The following TMSB10 variants were observed in gnomAD, a reference collection of about 807,000 sequenced individuals.
TMSB10 encodes thymosin beta 10, also known as thymosin beta-10.
In TMSB10, 4 loss-of-function variants were observed where a neutral mutation model predicts 4.5. That is an observed-to-expected ratio of 0.89 (90% CI 0.44 to 2.03). The LOEUF (loss-of-function observed/expected upper bound fraction) is 2.03. Ranked by LOEUF, TMSB10 falls within the 30% of genes most tolerant of loss-of-function variation. The pLI, the probability that TMSB10 is intolerant of heterozygous loss-of-function variation, is 0.03. For missense variants in TMSB10, 44 were observed against 53.9 expected (o/e 0.82, Z 0.57); for synonymous variants, 17 against 20.3 (o/e 0.84, Z 0.44).
At position 84,906,378 on chromosome 2, in the gene TMSB10, G is replaced by A; in HGVS notation, c.101-11G>A. 1 of 1,597,260 alleles carries A rather than the reference G, an allele frequency of 6.3e-7. No homozygotes were observed. ...AGCTCCCCTCCAGCGCCCGCTTCCC[G>A]CTCTCCACAGCCATTGAGCAGGAGA... is the stretch of plus-strand genomic sequence containing the variant. On this transcript the variant is annotated splice_polypyrimidine_tract_variant and intron_variant, in intron 2 of 2. Transcript: ENST00000233143.
intron 1 of TMSB10, 60 bp downstream of exon 1, chr2:84,905,778 G>T: frequency 2.6e-6 from 1 of 386,138 alleles, no homozygotes; most frequent in Non-Finnish European, 4.7e-6. Flanking sequence ...GGTGCACCGG[G>T]CGGGCGCGCC....
rs1683685427 is a variant in TMSB10, at chr2:84,905,964, C to A, written c.-15-39C>A. ...CGGGGAGCGCGGAAGGGGACGCTGG[C>A]CCCCAGGCCCAGGTCAAGCGCCTTG... On this transcript the variant is annotated intron_variant, in intron 1 of 2. Coordinates refer to ENST00000233143, the MANE Select transcript of TMSB10 (RefSeq NM_021103.4). 4 of 1,542,492 alleles carry A rather than the reference C, an allele frequency of 2.6e-6. No homozygotes were observed. In the Admixed American group the frequency reaches 5.2e-5, roughly 20 times the overall value.
chr2:84,906,167 C>G (rs764294846), intron 2 of TMSB10, 50 bp downstream of exon 2: 5 of 1,576,544 alleles, frequency 3.2e-6, no homozygotes, highest in Non-Finnish European at 4.3e-6. Flanking sequence ...TCACCCTGCT[C>G]TTCCTTGCAA....
chr2:84,905,990 GT>G lies in TMSB10; in HGVS notation c.-15-10del. 1 of 1,610,926 alleles carries G rather than the reference GT, an allele frequency of 6.2e-7. No homozygotes were observed. The highest frequency in any genetic ancestry group is 1.3e-5 in the African/African-American group (1 of 74,918). ...CCCCAGGCCCAGGTCAAGCGCCTTG[GT>G]TTGCCCACTAGGATTGTTTTAAGAA... On this transcript the variant is annotated splice_polypyrimidine_tract_variant and intron_variant, in intron 1 of 2. Transcript: ENST00000233143.
intron 2 of TMSB10, 124 bp from the exon 3 acceptor site, chr2:84,906,265 C>T: frequency 6.9e-7 from 1 of 1,443,914 alleles, no homozygotes; most frequent in Non-Finnish European, 9.3e-7. Context: ...CCTTGTTTCT[C>T]CCCAGCCCCA....
chr2:84,905,758 G>A lies in TMSB10; in HGVS notation c.-16+40G>A, dbSNP rs1683681122. The A allele has an allele frequency of 1.1e-5, 4 of 359,578 alleles. No homozygotes were observed. The Admixed American group carries it at 1.6e-4, about 14-fold the overall frequency. The allele number at this position is 359,578 out of a possible 1,614,324, so 22.3% of individuals were successfully genotyped here. ...GGGGCGGGGGGCCCACCCAGGGTGT[G>A]GTCGGATCCGGTGCACCGGGCGGGC... On this transcript the variant is annotated intron_variant, in intron 1 of 2. Transcript: ENST00000233143.
Position 84,906,588 on chromosome 2 carries a change from G to T in TMSB10, c.*165G>T. 1 of 612,704 alleles carries T rather than the reference G, an allele frequency of 1.6e-6. No homozygotes were observed. Among genetic ancestry groups the T allele is most frequent in the Non-Finnish European group, 2.5e-6 (1 of 395,452 alleles). The allele number at this position is 612,704 out of a possible 1,614,324, so 38.0% of individuals were successfully genotyped here. A position where few individuals can be genotyped will look rare whatever the true frequency, so the allele number is the denominator to read the frequency against. Reference sequence around the variant, plus strand: ...TCTCTGAAGGGACCCCCCCCCAATCGGACTGCCAAATTCTCCGGTTTGCCC... The same window carrying T: ...TCTCTGAAGGGACCCCCCCCCAATCTGACTGCCAAATTCTCCGGTTTGCCC... On this transcript the variant is annotated 3_prime_UTR_variant, in exon 3 of 3. Coordinates refer to ENST00000233143, the MANE Select transcript of TMSB10 (RefSeq NM_021103.4).
At chr2:84,906,169 TC>T in intron 2 of TMSB10, 52 bp downstream of exon 2, 1 of 1,572,720 alleles carries the variant, frequency 6.4e-7, no homozygotes, top group Non-Finnish European at 8.7e-7. Context: ...ACCCTGCTCT[TC>T]CTTGCAAACC....
chr2:84,906,529 T>A lies in TMSB10; in HGVS notation c.*106T>A. On this transcript the variant is annotated 3_prime_UTR_variant, in exon 3 of 3. Transcript: ENST00000233143. Reference sequence around the variant, plus strand: ...CGAGCCACAAGCTGCACTGTGAACCTGGGCACTCCGCGCCGATGCCACCGG... The same window carrying A: ...CGAGCCACAAGCTGCACTGTGAACCAGGGCACTCCGCGCCGATGCCACCGG... The A allele has an allele frequency of 7.4e-7, 1 of 1,351,732 alleles. No individual in the cohort carries two copies. Among genetic ancestry groups the A allele is most frequent in the Non-Finnish European group, 9.9e-7 (1 of 1,008,038 alleles). The allele number at this position is 1,351,732 out of a possible 1,614,324, so 83.7% of individuals were successfully genotyped here.
At chr2:84,905,813 G>C (rs1025214642) in intron 1 of TMSB10, 95 bp downstream of exon 1, 2 of 438,122 alleles carry the variant, frequency 4.6e-6, no homozygotes, top group Non-Finnish European at 8.2e-6. Flanking sequence ...CGCCCTTCTC[G>C]GACCGGACGC....
In TMSB10 at chr2:84,906,375, C is replaced by G. The variant is rs959903978; in HGVS notation, c.101-14C>G. ...TGCAGCTCCCCTCCAGCGCCCGCTT[C>G]CCGCTCTCCACAGCCATTGAGCAGG... On this transcript the variant is annotated splice_polypyrimidine_tract_variant and intron_variant, in intron 2 of 2. Transcript: ENST00000233143. 1 of 1,596,086 alleles carries G rather than the reference C, an allele frequency of 6.3e-7. No individual in the cohort carries two copies. Among genetic ancestry groups the G allele is most frequent in the Admixed American group, 1.7e-5 (1 of 58,608 alleles).
rs148820734 is a variant in TMSB10 at position 84,906,116 on chromosome 2, G to A, written c.99G>A (p.Glu33=). ...AGAAGAACACCCTGCCGACCAAAGAGAGTGAGTGTGCCTCGGTCTCCCGCG... is the reference window on the plus strand; with the variant it reads ...AGAAGAACACCCTGCCGACCAAAGAAAGTGAGTGTGCCTCGGTCTCCCGCG... The part of the protein sequence containing the change: ...TQEKNTLPTK[E]TIEQEKRSEI... The change falls in exon 2 of 3, where the codon GAG becomes GAA. Residue 33 remains glutamate, a splice_region_variant and synonymous_variant. Transcript: ENST00000233143. 4.5e-5 allele frequency: 72 copies of A among 1,613,932 alleles called. No individual in the cohort carries two copies. The African/African-American group carries it at 8.8e-4, about 20-fold the overall frequency.
At chr2:84,905,936 C>T (rs987683028) in intron 1 of TMSB10, 67 bp from the exon 2 acceptor site, 9 of 1,383,450 alleles carry the variant, frequency 6.5e-6, no homozygotes, top group Non-Finnish European at 9.1e-6. Flanking sequence ...CGAGAGGCGT[C>T]GGCGGGGAGC....
rs1375284175 is a variant in TMSB10, at chr2:84,906,507, G to A, written c.*84G>A. On this transcript the variant is annotated 3_prime_UTR_variant, in exon 3 of 3. Transcript: ENST00000233143. ...AGAGCCACCTGCAAGATGGACACGAGCCACAAGCTGCACTGTGAACCTGGG... is the reference window on the plus strand; with the variant it reads ...AGAGCCACCTGCAAGATGGACACGAACCACAAGCTGCACTGTGAACCTGGG... The A allele has an allele frequency of 3.3e-6, 5 of 1,494,612 alleles. No individual in the cohort carries two copies. Among genetic ancestry groups the A allele is most frequent in the South Asian group, 1.2e-5 (1 of 81,270 alleles). 92.6% of individuals were successfully genotyped at this position (1,494,612 alleles called of 1,614,324 possible). A position where few individuals can be genotyped will look rare whatever the true frequency, so the allele number is the denominator to read the frequency against.
chr2:84,905,887 C>T (rs1288805947), intron 1 of TMSB10, 116 bp from the exon 2 acceptor site: 1 of 820,126 alleles, frequency 1.2e-6, no homozygotes, highest in African/African-American at 1.7e-5. Flanking sequence ...GATCCTCGGC[C>T]TTGGGGCTGC....
Position 84,906,516 on chromosome 2 carries a change from TGCACTGTGAACCTGG to T in TMSB10, c.*99_*113del. The T allele has an allele frequency of 6.8e-7, 1 of 1,468,352 alleles. No individual in the cohort carries two copies. Among genetic ancestry groups the T allele is most frequent in the South Asian group, 1.3e-5 (1 of 79,754 alleles). The allele number at this position is 1,468,352 out of a possible 1,614,324, so 91.0% of individuals were successfully genotyped here. A position where few individuals can be genotyped will look rare whatever the true frequency, so the allele number is the denominator to read the frequency against. The stretch of plus-strand genomic sequence containing the variant: ...TGCAAGATGGACACGAGCCACAAGC[TGCACTGTGAACCTGG>T]GCACTCCGCGCCGATGCCACCGGCC... On this transcript the variant is annotated 3_prime_UTR_variant, in exon 3 of 3. Coordinates refer to ENST00000233143, the MANE Select transcript of TMSB10 (RefSeq NM_021103.4).
At chr2:84,905,850 C>A (rs954703563) in intron 1 of TMSB10, 132 bp downstream of exon 1, 4 of 571,276 alleles carry the variant, frequency 7.0e-6, no homozygotes, top group Non-Finnish European at 1.2e-5. Context: ...GCCCTGGGAC[C>A]GAGAAGAGGG....
Position 84,906,445 on chromosome 2 carries a change from C to T in TMSB10, c.*22C>T. ...CTAAGATCCTGGAGGATTTCCTACC[C>T]CCGTCCTCTTCGAGACCCCAGTCGT... is the stretch of plus-strand genomic sequence containing the variant. On this transcript the variant is annotated 3_prime_UTR_variant, in exon 3 of 3. Coordinates refer to ENST00000233143, the MANE Select transcript of TMSB10 (RefSeq NM_021103.4). The T allele has an allele frequency of 6.2e-7, 1 of 1,603,072 alleles. No individual in the cohort carries two copies. The highest frequency in any genetic ancestry group is 8.5e-7 in the Non-Finnish European group (1 of 1,176,828).
At chr2:84,906,333 C>CG in intron 2 of TMSB10, 56 bp from the exon 3 acceptor site, 2 of 1,555,476 alleles carry the variant, frequency 1.3e-6, no homozygotes, top group Non-Finnish European at 1.7e-6. Flanking sequence ...GGAAGCACCT[C>CG]GGTTGCGGGT....
Sources: allele counts gnomAD v4.1 joint callset, GRCh38; gene constraint gnomAD v4.1.1; transcripts MANE v1.5; gene names NCBI Gene and HGNC (gene_info 2026-07-23, HGNC 2026-07-21).